The following GRID2 variants were observed in gnomAD, a reference collection of about 807,000 sequenced individuals.
The protein encoded by GRID2 is glutamate ionotropic receptor delta type subunit 2.
Under a neutral mutation model 114.8 loss-of-function variants are expected in GRID2, and 33 were observed. The observed-to-expected ratio is 0.29, with a 90% CI of 0.22 to 0.38. GRID2 has a LOEUF of 0.38. GRID2 is among the 10% of genes least tolerant of loss of function. GRID2 has a pLI of 1.00. For synonymous variants in GRID2, 505 were observed against 449.9 expected (o/e 1.12, Z -1.55); for missense variants, 1,184 against 1,257.7 (o/e 0.94, Z 0.89).
chr4:92,943,898 G>C (rs145575006), intron 2 of GRID2, among the ~76,000 whole-genome samples: 1 of 152,248 alleles, frequency 6.6e-6, no homozygotes, highest in Admixed American at 6.5e-5. Context: ...GCAGAACAGC[G>C]GCTACTGGTG....
At chr4:93,742,683 G>A (rs1038838198) in intron 14 of GRID2, among the ~76,000 whole-genome samples, 2 of 152,086 alleles carry the variant, frequency 1.3e-5, no homozygotes, top group Non-Finnish European at 1.5e-5. Context: ...TTGTTTTGGG[G>A]CACAATAAAC....
chr4:92,596,967 T>C (rs2149216164), intron 2 of GRID2, among the ~76,000 whole-genome samples: 1 of 152,198 alleles, frequency 6.6e-6, no homozygotes, highest in African/African-American at 2.4e-5. Context: ...GCCGTTCCCC[T>C]CTACCTTTAA....
chr4:93,035,570 A>C (rs1724860906), intron 2 of GRID2, among the ~76,000 whole-genome samples: 1 of 152,100 alleles, frequency 6.6e-6, no homozygotes, highest in South Asian at 2.1e-4. Flanking sequence ...GTTCTAGGTC[A>C]GGGTCTCTCA....
chr4:93,407,450 A>G (rs1766566971), intron 9 of GRID2, among the ~76,000 whole-genome samples: 1 of 152,184 alleles, frequency 6.6e-6, no homozygotes, highest in African/African-American at 2.4e-5. Flanking sequence ...GGGATTTTTA[A>G]TGATCGGTCG....
rs115939960 is a variant in GRID2, at chr4:93,376,470, A to G, written c.1246-19137A>G. 2.8e-3 allele frequency among the ~76,000 whole-genome samples: 426 copies of G among 152,286 alleles called. 2 individuals are homozygous for G. The highest frequency in any genetic ancestry group is 9.6e-3 in the African/African-American group (400 of 41,566). ...AAAAAAAAATGACCCATTTTGTGAC[A>G]TATAATTGAAGGAACAAATGAAGAT... On this transcript the variant is annotated intron_variant, in intron 8 of 15. Coordinates refer to ENST00000282020, the MANE Select transcript of GRID2 (RefSeq NM_001510.4).
intron 14 of GRID2, among the ~76,000 whole-genome samples, chr4:93,696,170 C>T (rs1727001894): frequency 6.6e-6 from 1 of 152,148 alleles, no homozygotes; most frequent in African/African-American, 2.4e-5. Flanking sequence ...TGACCATGTT[C>T]CACCCTTCTA....
chr4:92,925,825 CT>C (rs1749765422), intron 2 of GRID2, among the ~76,000 whole-genome samples: 1 of 151,932 alleles, frequency 6.6e-6, no homozygotes, highest in Non-Finnish European at 1.5e-5. Flanking sequence ...ATCATTAAGC[CT>C]TTTTATTTAG....
chr4:93,341,152 A>T (rs1463091580), intron 8 of GRID2, among the ~76,000 whole-genome samples: 1 of 152,194 alleles, frequency 6.6e-6, no homozygotes, highest in East Asian at 1.9e-4. Flanking sequence ...ATATCCATAA[A>T]GGCATAACAT....
At chr4:93,180,108 A>G (rs2149434299) in intron 4 of GRID2, among the ~76,000 whole-genome samples, 1 of 152,176 alleles carries the variant, frequency 6.6e-6, no homozygotes, top group East Asian at 1.9e-4. Context: ...CTAAAGCCAA[A>G]TTGGATGCTA....
chr4:92,541,312 A>G (rs1391408299), intron 1 of GRID2, among the ~76,000 whole-genome samples: 1 of 146,244 alleles, frequency 6.8e-6, no homozygotes, highest in Non-Finnish European at 1.6e-5. Flanking sequence ...ATAAAATAAG[A>G]GTCAGGAAAA....
intron 9 of GRID2, among the ~76,000 whole-genome samples, chr4:93,406,896 A>G (rs1362495536): frequency 6.6e-6 from 1 of 152,160 alleles, no homozygotes; most frequent in Non-Finnish European, 1.5e-5. Flanking sequence ...ATAAATTAGC[A>G]TTGGGTAAAC....
intron 14 of GRID2, among the ~76,000 whole-genome samples, chr4:93,684,322 A>G (rs1268287673): frequency 6.6e-6 from 1 of 152,148 alleles, no homozygotes; most frequent in Non-Finnish European, 1.5e-5. Flanking sequence ...TGAAGATTAC[A>G]TTATTAATCA....
intron 2 of GRID2, among the ~76,000 whole-genome samples, chr4:92,617,672 A>AT (rs1023982744): frequency 6.6e-6 from 1 of 151,060 alleles, no homozygotes; most frequent in African/African-American, 2.4e-5. Flanking sequence ...AGCATTTTTT[A>AT]TTTTTTGTTA....
At chr4:92,372,555 T>A (rs985511) in intron 1 of GRID2, among the ~76,000 whole-genome samples, 100,765 of 151,990 alleles carry the variant, frequency 0.66, 33,840 homozygotes, top group East Asian at 0.94. Flanking sequence ...ATGCTATTGT[T>A]CATGCAATAG....
chr4:93,390,072 A>G (rs896300234), intron 8 of GRID2, among the ~76,000 whole-genome samples: 4 of 152,154 alleles, frequency 2.6e-5, no homozygotes, highest in Non-Finnish European at 5.9e-5. Flanking sequence ...TACAGGCGTG[A>G]GCCACCGCAC....
At chr4:92,677,792 C>T (rs966032822) in intron 2 of GRID2, among the ~76,000 whole-genome samples, 3 of 152,010 alleles carry the variant, frequency 2.0e-5, no homozygotes, top group African/African-American at 7.3e-5. Context: ...AGGTGGCAAG[C>T]TTTTGTTTGT....
At chr4:93,533,246 CTTCCTTCCTTCCTTCCTTCCTTCCT>C (rs1731641104) in intron 13 of GRID2, among the ~76,000 whole-genome samples, 1 of 1,946 alleles carries the variant, frequency 5.1e-4, no homozygotes, top group African/African-American at 3.6e-3. Flanking sequence ...TTCTTTCTCT[CTTCCTTCCTTCCTTCCTTCCTTCCT>C]TCCTTCCTTC....
intron 13 of GRID2, among the ~76,000 whole-genome samples, chr4:93,583,755 C>T (rs1438345844): frequency 2.0e-5 from 3 of 152,134 alleles, no homozygotes; most frequent in African/African-American, 4.8e-5. Context: ...GTTCCTCAGA[C>T]ACATCCATTC....
At chr4:93,134,548 A>G (rs1459239848) in intron 4 of GRID2, among the ~76,000 whole-genome samples, 1 of 152,002 alleles carries the variant, frequency 6.6e-6, no homozygotes, top group Admixed American at 6.6e-5. Context: ...TCTGTTTTAA[A>G]TTTTTCTCTT....
Sources: gnomAD v4.1 joint callset for allele counts (sites outside exome capture counted in the v4.1 genomes callset) on GRCh38, gnomAD v4.1.1 for gene constraint, MANE v1.5 for transcripts, NCBI Gene and HGNC (gene_info 2026-07-23, HGNC 2026-07-21) for gene names.